DGKG: variants seen among roughly 807,000 people sequenced by gnomAD.
DGKG encodes the protein diacylglycerol kinase gamma.
In DGKG, 78 loss-of-function variants were observed where a neutral mutation model predicts 105.3. That is an observed-to-expected ratio of 0.74 (90% CI 0.62 to 0.89). DGKG has a LOEUF of 0.89. DGKG is among the 40% of genes least tolerant of loss of function. The probability of loss-of-function intolerance (pLI) is 0.00; values close to 1 mark genes in which losing one functional copy is unlikely to be tolerated. For synonymous variants in DGKG, 346 were observed against 367.1 expected, an observed-to-expected ratio of 0.94 and a Z score of 0.66; for missense variants, 958 against 1,020.1, an observed-to-expected ratio of 0.94 and a Z score of 0.83.
At chr3:186,339,805 A>C (rs944007690) in intron 1 of DGKG, among the ~76,000 whole-genome samples, 4 of 152,188 alleles carry the variant, frequency 2.6e-5, no homozygotes, top group African/African-American at 9.7e-5. Flanking sequence ...TCTGCCAGGA[A>C]ACAGAAAAGA....
At chr3:186,352,618 A>G (rs1478953900) in intron 1 of DGKG, among the ~76,000 whole-genome samples, 2 of 152,154 alleles carry the variant, frequency 1.3e-5, no homozygotes, top group Admixed American at 1.3e-4. Context: ...TGAAACCACT[A>G]TCTTCCCAGG....
chr3:186,176,866 C>T lies in DGKG; in HGVS notation c.2095+11336G>A, dbSNP rs1370426921. 2.6e-5 allele frequency among the ~76,000 whole-genome samples: 4 copies of T among 152,200 alleles called. No individual in the cohort carries two copies. The East Asian group carries it at 7.7e-4, about 29-fold the overall frequency. ...TGGAGGTGCAAAGGGGCAAAGGTCCCTGCTGATGCCTCTGCTCTGCTAACA... is the reference window on the plus strand; with the variant it reads ...TGGAGGTGCAAAGGGGCAAAGGTCCTTGCTGATGCCTCTGCTCTGCTAACA... On this transcript the variant is annotated intron_variant, in intron 22 of 24. Transcript: ENST00000265022.
chr3:186,216,289 C>T (rs969322885), intron 20 of DGKG, among the ~76,000 whole-genome samples: 2 of 152,092 alleles, frequency 1.3e-5, no homozygotes, highest in African/African-American at 2.4e-5. Flanking sequence ...CCACCGCACC[C>T]GGCCGAGCTT....
chr3:186,203,736 C>T lies in DGKG; in HGVS notation c.1917+8059G>A, dbSNP rs548029011. ...ATGGTTTGATATGTAATCAGGTTGGCCCTCTTATTTTCCACGAACTCAAAA... is the reference window on the plus strand; with the variant it reads ...ATGGTTTGATATGTAATCAGGTTGGTCCTCTTATTTTCCACGAACTCAAAA... On this transcript the variant is annotated intron_variant, in intron 21 of 24. Transcript: ENST00000265022. The surrounding 1 kb of genome is among the most constrained non-coding windows in gnomAD (Gnocchi z 4.9). 1.3e-4 allele frequency among the ~76,000 whole-genome samples: 20 copies of T among 152,306 alleles called. No individual in the cohort carries two copies. The highest frequency in any genetic ancestry group is 5.9e-4 in the Admixed American group (9 of 15,312).
At chr3:186,336,620 A>G (rs1443532091) in intron 1 of DGKG, among the ~76,000 whole-genome samples, 1 of 152,172 alleles carries the variant, frequency 6.6e-6, no homozygotes. Flanking sequence ...ATCAACTAGC[A>G]CTCAAAACAA....
At position 186,261,744 on chromosome 3, in the gene DGKG, A is replaced by C. The variant is rs2108573945; in HGVS notation, c.1304T>G (p.Leu435Arg). 10 of 1,438,888 alleles carry C rather than the reference A, an allele frequency of 6.9e-6. No homozygotes were observed. Among genetic ancestry groups the C allele is most frequent in the East Asian group, 5.2e-5 (2 of 38,294 alleles). 89.1% of individuals were successfully genotyped at this position (1,438,888 alleles called of 1,614,324 possible). The change falls in exon 15 of 25, where the codon CTG (leucine) becomes CGG (arginine). Residue 435 changes from leucine (L) to arginine (R), a missense_variant. Coordinates refer to ENST00000265022, the MANE Select transcript of DGKG (RefSeq NM_001346.3). ...ACTCTTGGGGTTCACCAAGACCAGC[A>C]GGGGGTGGGTACCCGGGGTGGGGAT... ...KIIPTPGTHP[L>R]LVLVNPKSGG...
At chr3:186,289,285 G>C (rs1274979480) in intron 5 of DGKG, among the ~76,000 whole-genome samples, 2 of 152,076 alleles carry the variant, frequency 1.3e-5, no homozygotes, top group African/African-American at 4.8e-5. Context: ...TTTCTCAATA[G>C]ACCTTGCAAT....
At chr3:186,244,179 T>G (rs1218826308) in intron 19 of DGKG, among the ~76,000 whole-genome samples, 2 of 152,024 alleles carry the variant, frequency 1.3e-5, no homozygotes, top group Non-Finnish European at 1.5e-5. Flanking sequence ...TGTGAGCCAC[T>G]GCACCTGGCC....
Position 186,149,049 on chromosome 3 carries a change from C to A in DGKG, c.*1041G>T. 1.0e-6 allele frequency: 1 copy of A among 983,660 alleles called. No individual in the cohort carries two copies. The allele number at this position is 983,660 out of a possible 1,614,324, so 60.9% of individuals were successfully genotyped here. On this transcript the variant is annotated 3_prime_UTR_variant, in exon 25 of 25. Transcript: ENST00000265022. ...ACGCGCGCACACACGTTAAGACCATCAGAAGGTCCTTCAGGTCATACTCTG... is the reference window on the plus strand; with the variant it reads ...ACGCGCGCACACACGTTAAGACCATAAGAAGGTCCTTCAGGTCATACTCTG...
At chr3:186,257,681 CTTT>C (rs34393958) in intron 17 of DGKG, 170 bp downstream of exon 17, 5,432 of 457,686 alleles carry the variant, frequency 0.012, no homozygotes, top group Middle Eastern at 0.022. Context: ...TGTCTTATTT[CTTT>C]TTTTTTTTTT....
chr3:186,333,179 G>A (rs189661965), intron 1 of DGKG, among the ~76,000 whole-genome samples: 37 of 152,298 alleles, frequency 2.4e-4, no homozygotes, highest in South Asian at 8.3e-4. Context: ...CTTTGAAAGC[G>A]TGGTCCTCAT....
At chr3:186,282,697 G>A (rs1169651721) in intron 7 of DGKG, among the ~76,000 whole-genome samples, 2 of 152,016 alleles carry the variant, frequency 1.3e-5, no homozygotes, top group African/African-American at 4.8e-5. Context: ...TGTATTTTTA[G>A]TAGAGACGGG....
intron 2 of DGKG, among the ~76,000 whole-genome samples, chr3:186,315,966 C>A (rs903284737): frequency 6.6e-5 from 10 of 152,204 alleles, no homozygotes; most frequent in African/African-American, 2.4e-4. Flanking sequence ...GCTCTTGGAG[C>A]CCTGAGCTGA....
chr3:186,220,988 C>A (rs1719546208), intron 20 of DGKG, among the ~76,000 whole-genome samples: 1 of 152,222 alleles, frequency 6.6e-6, no homozygotes, highest in South Asian at 2.1e-4. Flanking sequence ...AAATCGGATC[C>A]TTTCCCAGTG....
intron 21 of DGKG, among the ~76,000 whole-genome samples, chr3:186,201,092 A>G (rs189463248): frequency 2.0e-5 from 3 of 151,958 alleles, no homozygotes; most frequent in Admixed American, 1.3e-4. Context: ...TCAGAGTTGG[A>G]CAGAAGGCAA....
chr3:186,319,553 G>A (rs1018314898), intron 2 of DGKG, among the ~76,000 whole-genome samples: 1 of 152,208 alleles, frequency 6.6e-6, no homozygotes. Context: ...CATGGGACAA[G>A]GGCATGGAGC....
chr3:186,244,225 C>A (rs1720829096), intron 19 of DGKG, among the ~76,000 whole-genome samples: 1 of 151,996 alleles, frequency 6.6e-6, no homozygotes, highest in African/African-American at 2.4e-5. Flanking sequence ...AGGTATAGTT[C>A]TATGAAGAAG....
intron 1 of DGKG, among the ~76,000 whole-genome samples, chr3:186,332,134 A>G (rs563644250): frequency 1.3e-5 from 2 of 152,314 alleles, no homozygotes; most frequent in South Asian, 2.1e-4. Flanking sequence ...GGTCCTCAAC[A>G]TGGAAGGGGA....
At chr3:186,334,638 A>G (rs1398935899) in intron 1 of DGKG, among the ~76,000 whole-genome samples, 2 of 152,234 alleles carry the variant, frequency 1.3e-5, no homozygotes, top group African/African-American at 4.8e-5. Context: ...AATGTGACAG[A>G]TGGTCCTAAA....
Sources: allele counts gnomAD v4.1 joint callset (sites outside exome capture counted in the v4.1 genomes callset), GRCh38; gene constraint gnomAD v4.1.1; non-coding constraint Gnocchi (gnomAD v3.1); transcripts MANE v1.5; gene names NCBI Gene and HGNC (gene_info 2026-07-23, HGNC 2026-07-21).